Variants in PTPRM observed in about 807,000 individuals in gnomAD.
PTPRM encodes the protein protein tyrosine phosphatase receptor type M, also known as receptor-type tyrosine-protein phosphatase mu.
Under a neutral mutation model 186.7 loss-of-function variants are expected in PTPRM, and 47 were observed. The ratio of observed to expected loss-of-function variants is 0.25; its 90% CI spans 0.20 to 0.32. The LOEUF (loss-of-function observed/expected upper bound fraction) is 0.32. Ranked by LOEUF, PTPRM falls within the 10% of genes least tolerant of loss-of-function variation. The probability of loss-of-function intolerance (pLI) is 1.00; values close to 1 mark genes in which losing one functional copy is unlikely to be tolerated. For synonymous variants in PTPRM, 668 were observed against 674.9 expected, an observed-to-expected ratio of 0.99 and a Z score of 0.16; for missense variants, 1,494 against 1,865.0, an observed-to-expected ratio of 0.80 and a Z score of 3.66.
At chr18:8,047,937 A>G (rs1284987483) in intron 7 of PTPRM, among the ~76,000 whole-genome samples, 1 of 152,188 alleles carries the variant, frequency 6.6e-6, no homozygotes, top group Non-Finnish European at 1.5e-5. Context: ...TTGAAGGACT[A>G]CGGAACAGAT....
At chr18:8,021,638 T>C (rs1167409594) in intron 7 of PTPRM, among the ~76,000 whole-genome samples, 1 of 152,158 alleles carries the variant, frequency 6.6e-6, no homozygotes, top group Non-Finnish European at 1.5e-5. Context: ...TCTGTTCCTG[T>C]GTGTGTTTGC....
At chr18:7,636,677 G>A (rs1330458185) in intron 1 of PTPRM, among the ~76,000 whole-genome samples, 1 of 152,132 alleles carries the variant, frequency 6.6e-6, no homozygotes, top group African/African-American at 2.4e-5. Flanking sequence ...CTTCAGAGGA[G>A]GGAAATAGTC....
intron 1 of PTPRM, among the ~76,000 whole-genome samples, chr18:7,626,607 G>A (rs1365325955): frequency 1.3e-5 from 2 of 152,192 alleles, no homozygotes; most frequent in Non-Finnish European, 2.9e-5. Context: ...TAGCAGTGAG[G>A]TTGTCCTGTG....
At chr18:7,868,317 C>A (rs1274902323) in intron 2 of PTPRM, among the ~76,000 whole-genome samples, 1 of 152,116 alleles carries the variant, frequency 6.6e-6, no homozygotes, top group Non-Finnish European at 1.5e-5. Flanking sequence ...TGGTTTCTCC[C>A]CATCTTCGTT....
chr18:8,151,892 T>A (rs887735952), intron 14 of PTPRM, among the ~76,000 whole-genome samples: 25 of 151,952 alleles, frequency 1.6e-4, no homozygotes, highest in Admixed American at 1.3e-3. Flanking sequence ...CCTCACGGCT[T>A]CCCTTGGGTA....
chr18:7,688,850 C>G (rs2039669886), intron 1 of PTPRM, among the ~76,000 whole-genome samples: 1 of 152,156 alleles, frequency 6.6e-6, no homozygotes, highest in Non-Finnish European at 1.5e-5. Context: ...CTGGATATCC[C>G]TTAGAAGGAG....
chr18:7,767,103 C>T (rs1165859951), intron 1 of PTPRM, among the ~76,000 whole-genome samples: 1 of 152,130 alleles, frequency 6.6e-6, no homozygotes, highest in African/African-American at 2.4e-5. Flanking sequence ...AACTTTGTAG[C>T]TTACAGGTTC....
chr18:7,889,333 C>CTTTTTT (rs770886704), intron 3 of PTPRM, among the ~76,000 whole-genome samples: 39 of 119,826 alleles, frequency 3.3e-4, no homozygotes, highest in African/African-American at 7.2e-4. Flanking sequence ...TCTTTTCTTT[C>CTTTTTT]TTTTTTTTTT....
chr18:8,230,576 A>G (rs2094274311), intron 14 of PTPRM, among the ~76,000 whole-genome samples: 1 of 152,226 alleles, frequency 6.6e-6, no homozygotes, highest in Admixed American at 6.5e-5. Flanking sequence ...CCTTCTCTGG[A>G]AGATAGGGAT....
chr18:7,947,945 A>G (rs16952705), intron 5 of PTPRM, among the ~76,000 whole-genome samples: 21,593 of 152,112 alleles, frequency 0.14, 1,808 homozygotes, highest in Non-Finnish European at 0.19. Context: ...TGATCATGCT[A>G]TCTTGACATA....
At chr18:8,283,338 T>G (rs1362835616) in intron 19 of PTPRM, among the ~76,000 whole-genome samples, 1 of 152,238 alleles carries the variant, frequency 6.6e-6, no homozygotes, top group African/African-American at 2.4e-5. Context: ...AATCTATTTA[T>G]TAGTATAATT....
chr18:8,176,958 A>G (rs1005695186), intron 14 of PTPRM, among the ~76,000 whole-genome samples: 5 of 152,302 alleles, frequency 3.3e-5, no homozygotes, highest in South Asian at 2.1e-4. Context: ...CTTCTTTTCT[A>G]TCTTGTCTTT....
chr18:8,310,604 G>A (rs2095260580), intron 20 of PTPRM, among the ~76,000 whole-genome samples: 1 of 151,728 alleles, frequency 6.6e-6, no homozygotes, highest in African/African-American at 2.4e-5. Context: ...CCCTTTATTA[G>A]GGAATTGTTT....
intron 19 of PTPRM, among the ~76,000 whole-genome samples, chr18:8,289,363 G>A (rs2094995612): frequency 6.7e-6 from 1 of 148,682 alleles, no homozygotes; most frequent in East Asian, 2.0e-4. Flanking sequence ...AGACATCATG[G>A]GGACTGTTTA....
At chr18:7,713,949 C>G (rs1200802747) in intron 1 of PTPRM, among the ~76,000 whole-genome samples, 1 of 152,014 alleles carries the variant, frequency 6.6e-6, no homozygotes, top group Non-Finnish European at 1.5e-5. Context: ...ACCCCACTGT[C>G]AATATTAGAT....
chr18:8,382,970 A>G (rs926652853), intron 29 of PTPRM, among the ~76,000 whole-genome samples: 1 of 152,156 alleles, frequency 6.6e-6, no homozygotes, highest in Non-Finnish European at 1.5e-5. Context: ...TTGCCTTTCC[A>G]TAGGCCACCT....
At chr18:8,367,641 G>A (rs932802163) in intron 23 of PTPRM, among the ~76,000 whole-genome samples, 2 of 152,260 alleles carry the variant, frequency 1.3e-5, no homozygotes, top group African/African-American at 2.4e-5. Flanking sequence ...GGGTGCGGGG[G>A]GACAGCCAGC....
chr18:7,687,851 C>T (rs939506221), intron 1 of PTPRM, among the ~76,000 whole-genome samples: 3 of 150,608 alleles, frequency 2.0e-5, no homozygotes, highest in African/African-American at 7.4e-5. Flanking sequence ...AATCTCGGCT[C>T]ACTGCAACCT....
intron 1 of PTPRM, among the ~76,000 whole-genome samples, chr18:7,686,469 A>T (rs947490810): frequency 6.6e-6 from 1 of 152,178 alleles, no homozygotes; most frequent in African/African-American, 2.4e-5. Flanking sequence ...CAGTTAAGTT[A>T]GAATATTTCA....
Sources: allele counts gnomAD v4.1 joint callset (sites outside exome capture counted in the v4.1 genomes callset), GRCh38; gene constraint gnomAD v4.1.1; transcripts MANE v1.5; gene names NCBI Gene and HGNC (gene_info 2026-07-23, HGNC 2026-07-21).